The following TC2N variants were observed in gnomAD, a reference collection of about 807,000 sequenced individuals.
TC2N encodes the protein tandem C2 domains, nuclear.
In TC2N, 51 loss-of-function variants were observed where a neutral mutation model predicts 61.9. That is an observed-to-expected ratio of 0.82 (90% CI 0.66 to 1.04). The LOEUF (loss-of-function observed/expected upper bound fraction) is 1.04, where lower values mean the gene tolerates loss of function less well. TC2N is among the 50% of genes least tolerant of loss of function. TC2N has a pLI of 0.00. For synonymous variants in TC2N, 204 were observed against 192.6 expected (o/e 1.06, Z -0.49); for missense variants, 556 against 566.7 (o/e 0.98, Z 0.19).
chr14:91,852,069 T>A (rs531889479), intron 1 of TC2N, among the ~76,000 whole-genome samples: 1 of 152,332 alleles, frequency 6.6e-6, no homozygotes, highest in South Asian at 2.1e-4. Flanking sequence ...TAATGTAAAT[T>A]TCACAATCCT....
chr14:91,848,495 A>T (rs1257459759), intron 1 of TC2N, among the ~76,000 whole-genome samples: 1 of 152,156 alleles, frequency 6.6e-6, no homozygotes, highest in African/African-American at 2.4e-5. Context: ...CTGCGTATTT[A>T]TTCCAGCTCC....
At position 91,803,412 on chromosome 14, in the gene TC2N, T is replaced by TACAC. The variant is rs755502068; in HGVS notation, c.302-995_302-992dup. 5.1e-3 allele frequency among the ~76,000 whole-genome samples: 423 copies of TACAC among 83,008 alleles called. 1 individual carries two copies. Among genetic ancestry groups the TACAC allele is most frequent in the African/African-American group, 0.014 (401 of 28,622 alleles). 54.5% of individuals were successfully genotyped at this position (83,008 alleles called of 152,430 possible). A position where few individuals can be genotyped will look rare whatever the true frequency, so the allele number is the denominator to read the frequency against. ...ACACACACACACACACGTACATACA[T>TACAC]ACACACACACACACACATATATATA... On this transcript the variant is annotated intron_variant, in intron 3 of 11. Transcript: ENST00000435962.
chr14:91,833,519 T>TAC (rs1358997276), intron 1 of TC2N, among the ~76,000 whole-genome samples: 1 of 152,102 alleles, frequency 6.6e-6, no homozygotes, highest in African/African-American at 2.4e-5. Context: ...TATAAATACA[T>TAC]ACACACACAT....
intron 5 of TC2N, 118 bp downstream of exon 5, chr14:91,800,163 C>T (rs1886148741): frequency 2.0e-6 from 1 of 506,406 alleles, no homozygotes; most frequent in African/African-American, 2.0e-5. Context: ...CTTCAGATAT[C>T]AGAACAGATA....
Position 91,792,361 on chromosome 14 carries a change from G to T in TC2N, c.1047+6C>A. On this transcript the variant is annotated splice_donor_region_variant and intron_variant, in intron 9 of 11. Coordinates refer to ENST00000435962, the MANE Select transcript of TC2N (RefSeq NM_001128596.3). ...GAAATACTCTTAACATACTATTATC[G>T]CTTACAGAAATTTTTGAAGGTGGTG... is the stretch of plus-strand genomic sequence containing the variant. The T allele has an allele frequency of 6.4e-7, 1 of 1,574,232 alleles. No individual in the cohort carries two copies. The highest frequency in any genetic ancestry group is 1.4e-5 in the African/African-American group (1 of 73,784).
chr14:91,814,153 TGAGA>T (rs145840886), intron 1 of TC2N, among the ~76,000 whole-genome samples: 2 of 145,996 alleles, frequency 1.4e-5, no homozygotes, highest in African/African-American at 2.5e-5. Context: ...GGTGTGTTTA[TGAGA>T]GAGAGAGAGA....
chr14:91,808,052 C>T (rs1390386568), intron 3 of TC2N, among the ~76,000 whole-genome samples: 2 of 152,158 alleles, frequency 1.3e-5, no homozygotes, highest in Admixed American at 6.6e-5. Flanking sequence ...CCATGTAAGA[C>T]ATGCCTTTCA....
At chr14:91,842,737 T>C (rs1274188020) in intron 1 of TC2N, among the ~76,000 whole-genome samples, 1 of 152,074 alleles carries the variant, frequency 6.6e-6, no homozygotes, top group African/African-American at 2.4e-5. Flanking sequence ...AGCGTTAGCG[T>C]TGAGATATGA....
intron 1 of TC2N, among the ~76,000 whole-genome samples, chr14:91,822,031 A>G (rs1869656860): frequency 1.3e-5 from 2 of 152,228 alleles, no homozygotes; most frequent in Non-Finnish European, 1.5e-5. Context: ...GACAAGTAGT[A>G]TTCTCCTATT....
intron 1 of TC2N, among the ~76,000 whole-genome samples, chr14:91,823,960 A>G: frequency 6.6e-6 from 1 of 152,232 alleles, no homozygotes; most frequent in East Asian, 1.9e-4. Context: ...TAATGCACAT[A>G]AAGTATAAAA....
chr14:91,802,190 A>G, intron 4 of TC2N, 64 bp downstream of exon 4: 1 of 1,381,148 alleles, frequency 7.2e-7, no homozygotes, highest in South Asian at 1.7e-5. Flanking sequence ...CCCATATCTT[A>G]CATTTGATTT....
At chr14:91,800,500 C>A in intron 4 of TC2N, 128 bp from the exon 5 acceptor site, 1 of 457,194 alleles carries the variant, frequency 2.2e-6, no homozygotes, top group Non-Finnish European at 3.8e-6. Flanking sequence ...GAGATAAAGC[C>A]TTCTAATAAA....
chr14:91,825,027 T>C (rs577697325), intron 1 of TC2N, among the ~76,000 whole-genome samples: 652 of 3,320 alleles, frequency 0.2, 5 homozygotes, highest in African/African-American at 0.27. Context: ...TTTTCTTTTC[T>C]TTTTTTTTTT....
chr14:91,783,287 C>T lies in TC2N; in HGVS notation c.1363-77G>A, dbSNP rs1036072476. 4.4e-5 allele frequency: 33 copies of T among 744,580 alleles called. No individual in the cohort carries two copies. The Middle Eastern group carries it at 1.1e-3, about 25-fold the overall frequency. 46.1% of individuals were successfully genotyped at this position (744,580 alleles called of 1,614,324 possible). On this transcript the variant is annotated intron_variant, in intron 11 of 11. Transcript: ENST00000435962. ...ACATTCAGACAGTTAGTTACTCTTA[C>T]TGATGGAAGAAATTTGGAAGTTTGC...
At chr14:91,840,586 A>G (rs1216216504) in intron 1 of TC2N, among the ~76,000 whole-genome samples, 3 of 152,152 alleles carry the variant, frequency 2.0e-5, no homozygotes, top group Non-Finnish European at 4.4e-5. Context: ...TGTCTCTTTC[A>G]TGCACTTTGA....
At chr14:91,845,553 T>A (rs1566788379) in intron 1 of TC2N, among the ~76,000 whole-genome samples, 1 of 152,348 alleles carries the variant, frequency 6.6e-6, no homozygotes, top group South Asian at 2.1e-4. Context: ...CTGGACAGAA[T>A]TCTGATGGTT....
At chr14:91,792,341 A>G (rs768649331) in intron 9 of TC2N, 26 bp downstream of exon 9, 1 of 1,466,312 alleles carries the variant, frequency 6.8e-7, no homozygotes, top group Non-Finnish European at 9.2e-7. Flanking sequence ...AGTATGAAAT[A>G]CTCTTAACAT....
rs150497553 is a variant in TC2N, at chr14:91,805,523, T to A, written c.302-3102A>T. ...CTCTACTAAAAATACAAATTAGCTG[T>A]GTGTGGTGGCCCGCGCCTGTAGTCC... On this transcript the variant is annotated intron_variant, in intron 3 of 11. Coordinates refer to ENST00000435962, the MANE Select transcript of TC2N (RefSeq NM_001128596.3). Among the ~76,000 whole-genome samples, 602 of 152,096 alleles carry A rather than the reference T, an allele frequency of 4.0e-3. 4 individuals carry two copies. The highest frequency in any genetic ancestry group is 0.013 in the African/African-American group (554 of 41,520).
chr14:91,864,331 T>G (rs1350636175), intron 1 of TC2N, among the ~76,000 whole-genome samples: 1 of 151,990 alleles, frequency 6.6e-6, no homozygotes, highest in Non-Finnish European at 1.5e-5. Flanking sequence ...TGTAGGGGAG[T>G]AGGGGGAAGG....
Sources: allele counts gnomAD v4.1 joint callset (sites outside exome capture counted in the v4.1 genomes callset), GRCh38; gene constraint gnomAD v4.1.1; transcripts MANE v1.5; gene names NCBI Gene and HGNC (gene_info 2026-07-23, HGNC 2026-07-21).